LUZP2: variants seen among roughly 807,000 people sequenced by gnomAD.
The protein encoded by LUZP2 is leucine zipper protein 2.
In LUZP2, 52 loss-of-function variants were observed where a neutral mutation model predicts 51.6. The ratio of observed to expected loss-of-function variants is 1.01; its 90% CI spans 0.81 to 1.27. The LOEUF (loss-of-function observed/expected upper bound fraction) is 1.27, where lower values mean the gene tolerates loss of function less well. Among genes scored for constraint, LUZP2 ranks in the 50% most tolerant of loss-of-function variants. The pLI, the probability that LUZP2 is intolerant of heterozygous loss-of-function variation, is 0.00. For synonymous variants in LUZP2, 154 were observed against 137.3 expected (o/e 1.12, Z -0.85); for missense variants, 436 against 395.4 (o/e 1.10, Z -0.87).
At position 24,851,663 on chromosome 11, in the gene LUZP2, A is replaced by G. The variant is rs189861717; in HGVS notation, c.397-54328A>G. ...TTTAGGGAGTAGTCCTTCTTTTTCT[A>G]TTGTGTGGAATAGTTTCAGAAAAAA... On this transcript the variant is annotated intron_variant, in intron 5 of 11. Transcript: ENST00000336930. 6.9e-4 allele frequency among the ~76,000 whole-genome samples: 105 copies of G among 151,968 alleles called. 1 individual carries two copies. The highest frequency in any genetic ancestry group is 6.8e-3 in the Middle Eastern group (2 of 294).
At chr11:25,026,013 G>A (rs958978260) in intron 9 of LUZP2, among the ~76,000 whole-genome samples, 8 of 151,962 alleles carry the variant, frequency 5.3e-5, no homozygotes, top group Non-Finnish European at 1.2e-4. Flanking sequence ...GAAGCTGGAA[G>A]CCGTCATTCT....
intron 5 of LUZP2, among the ~76,000 whole-genome samples, chr11:24,853,330 G>A (rs960313632): frequency 3.3e-5 from 5 of 151,934 alleles, no homozygotes; most frequent in Admixed American, 6.6e-5. Context: ...CTTCACTTAT[G>A]AAGCTTAGTT....
At chr11:24,593,618 C>A (rs1853330517) in intron 1 of LUZP2, among the ~76,000 whole-genome samples, 1 of 152,168 alleles carries the variant, frequency 6.6e-6, no homozygotes, top group Admixed American at 6.5e-5. Flanking sequence ...CAGTTTGGGA[C>A]ACAGTTTGCT....
At chr11:24,862,463 A>G (rs1446493890) in intron 5 of LUZP2, among the ~76,000 whole-genome samples, 1 of 152,164 alleles carries the variant, frequency 6.6e-6, no homozygotes, top group Non-Finnish European at 1.5e-5. Context: ...TACAAAGACT[A>G]ATGACACTAT....
chr11:24,998,569 A>G (rs1477387513), intron 9 of LUZP2, among the ~76,000 whole-genome samples: 1 of 152,240 alleles, frequency 6.6e-6, no homozygotes, highest in Non-Finnish European at 1.5e-5. Context: ...GTATTTCTAC[A>G]GAACATGATA....
At chr11:24,770,849 A>G (rs80201639) in intron 5 of LUZP2, among the ~76,000 whole-genome samples, 12,210 of 151,928 alleles carry the variant, frequency 0.08, 1,057 homozygotes, top group African/African-American at 0.22. Flanking sequence ...CTTAGAAAAA[A>G]CTCTACAAAC....
chr11:24,930,995 C>T (rs1044891426), intron 7 of LUZP2, among the ~76,000 whole-genome samples: 16 of 151,914 alleles, frequency 1.1e-4, no homozygotes, highest in African/African-American at 1.9e-4. Context: ...GGGTGGATCA[C>T]GAGGTCAGAA....
chr11:24,545,923 GC>G (rs1420197986), intron 1 of LUZP2, among the ~76,000 whole-genome samples: 1 of 151,940 alleles, frequency 6.6e-6, no homozygotes, highest in Admixed American at 6.6e-5. Context: ...CATGAGCATA[GC>G]TTTTTTATTT....
At chr11:24,711,377 GA>G (rs1648550015) in intron 1 of LUZP2, among the ~76,000 whole-genome samples, 1 of 152,062 alleles carries the variant, frequency 6.6e-6, no homozygotes. Context: ...GTGAACCCGG[GA>G]GGCGGAGCTT....
chr11:24,993,258 C>T (rs1856404393), intron 9 of LUZP2, among the ~76,000 whole-genome samples: 1 of 151,922 alleles, frequency 6.6e-6, no homozygotes. Flanking sequence ...AAAATCAATC[C>T]CAGTAAATCT....
intron 1 of LUZP2, among the ~76,000 whole-genome samples, chr11:24,634,784 C>T (rs1054489717): frequency 4.6e-5 from 7 of 151,976 alleles, no homozygotes; most frequent in African/African-American, 1.2e-4. Flanking sequence ...AAATTAAAGG[C>T]GGTACTGGAT....
intron 1 of LUZP2, among the ~76,000 whole-genome samples, chr11:24,652,794 T>C (rs541662269): frequency 1.3e-5 from 2 of 152,162 alleles, no homozygotes; most frequent in Non-Finnish European, 2.9e-5. Context: ...AATGATGCTG[T>C]ATGCATTTTG....
intron 9 of LUZP2, among the ~76,000 whole-genome samples, chr11:25,001,975 G>A (rs916644092): frequency 1.3e-5 from 2 of 152,002 alleles, no homozygotes; most frequent in South Asian, 4.1e-4. Context: ...CCACCTCCTT[G>A]GGTTTTTGCA....
rs191287735 is a variant in LUZP2, at chr11:24,899,703, G to A, written c.397-6288G>A. On this transcript the variant is annotated intron_variant, in intron 5 of 11. Transcript: ENST00000336930. ...CAAAATAAATTACCAGAGAGAAAGA[G>A]AGGCATATTATAATGTTAAAAGGGG... Among the ~76,000 whole-genome samples, 384 of 152,218 alleles carry A rather than the reference G, an allele frequency of 2.5e-3. 1 individual carries two copies. The highest frequency in any genetic ancestry group is 9.0e-3 in the African/African-American group (373 of 41,548).
intron 1 of LUZP2, among the ~76,000 whole-genome samples, chr11:24,628,942 A>G (rs1344701658): frequency 6.6e-6 from 1 of 152,174 alleles, no homozygotes; most frequent in Non-Finnish European, 1.5e-5. Context: ...ATATGCATGT[A>G]GCAGAATTAA....
At chr11:24,759,422 A>G (rs976573729) in intron 4 of LUZP2, among the ~76,000 whole-genome samples, 2 of 152,166 alleles carry the variant, frequency 1.3e-5, no homozygotes, top group Non-Finnish European at 2.9e-5. Context: ...ATATATTTTT[A>G]ATGTTCAAAA....
intron 1 of LUZP2, among the ~76,000 whole-genome samples, chr11:24,510,840 G>C (rs929174055): frequency 4.6e-5 from 7 of 150,590 alleles, no homozygotes; most frequent in African/African-American, 1.8e-4. Context: ...CATTGACTCT[G>C]TGCTGCTGTG....
chr11:24,670,238 C>T (rs543950477), intron 1 of LUZP2, among the ~76,000 whole-genome samples: 194 of 152,000 alleles, frequency 1.3e-3, no homozygotes, highest in African/African-American at 4.6e-3. Flanking sequence ...GCTCTGTGAC[C>T]ACAGATAAGT....
At chr11:24,704,649 A>G (rs79537908) in intron 1 of LUZP2, among the ~76,000 whole-genome samples, 1,784 of 152,202 alleles carry the variant, frequency 0.012, 14 homozygotes, top group Middle Eastern at 0.027. Context: ...TAAGTGCTCC[A>G]TGATATTACA....
Sources: allele counts gnomAD v4.1 joint callset (sites outside exome capture counted in the v4.1 genomes callset), GRCh38; gene constraint gnomAD v4.1.1; transcripts MANE v1.5; gene names NCBI Gene and HGNC (gene_info 2026-07-23, HGNC 2026-07-21).